The following CNTN5 variants were observed in gnomAD, a reference collection of about 807,000 sequenced individuals.
CNTN5 encodes the protein contactin 5, also known as contactin-5.
Under a neutral mutation model 129.1 loss-of-function variants are expected in CNTN5, and 77 were observed. The ratio of observed to expected loss-of-function variants is 0.60; its 90% CI spans 0.50 to 0.72. The LOEUF is 0.72. Ranked by LOEUF, CNTN5 falls within the 30% of genes least tolerant of loss-of-function variation. The pLI is 0.00. For missense variants in CNTN5, 1,478 were observed against 1,328.8 expected, an observed-to-expected ratio of 1.11 and a Z score of -1.75; for synonymous variants, 509 against 465.6, an observed-to-expected ratio of 1.09 and a Z score of -1.20.
chr11:99,340,439 G>GA (rs932285938), intron 2 of CNTN5, among the ~76,000 whole-genome samples: 3 of 151,498 alleles, frequency 2.0e-5, no homozygotes, highest in Non-Finnish European at 3.0e-5. Context: ...AATTAGGGGG[G>GA]AAAAAAAAGC....
At chr11:99,739,596 A>G (rs1294986036) in intron 3 of CNTN5, among the ~76,000 whole-genome samples, 2 of 152,144 alleles carry the variant, frequency 1.3e-5, no homozygotes, top group Admixed American at 6.6e-5. Flanking sequence ...TTACTAGAGA[A>G]GATGGAAAGG....
At chr11:99,024,111 A>G (rs1221832017) in intron 1 of CNTN5, among the ~76,000 whole-genome samples, 2 of 152,174 alleles carry the variant, frequency 1.3e-5, no homozygotes, top group Non-Finnish European at 2.9e-5. Flanking sequence ...AGAGGCTGGT[A>G]CATTTTAAAA....
chr11:99,337,061 A>G (rs903694949), intron 2 of CNTN5, among the ~76,000 whole-genome samples: 1 of 152,144 alleles, frequency 6.6e-6, no homozygotes, highest in Non-Finnish European at 1.5e-5. Flanking sequence ...AAGGGGAATC[A>G]GTGTATTTCT....
chr11:99,163,689 C>A (rs1176478589), intron 1 of CNTN5, among the ~76,000 whole-genome samples: 1 of 152,080 alleles, frequency 6.6e-6, no homozygotes, highest in Non-Finnish European at 1.5e-5. Flanking sequence ...TTTAGAGAAT[C>A]ATGGCAGTTT....
At position 100,340,661 on chromosome 11, in the gene CNTN5, G is replaced by C. The variant is rs1277011622; in HGVS notation, c.2917+12G>C. Reference sequence around the variant, plus strand: ...CACCAAGAAATCCCGTAAGTGACCTGGGCTTTTTGTTTGTTTCAGACAAAG... The same window carrying C: ...CACCAAGAAATCCCGTAAGTGACCTCGGCTTTTTGTTTGTTTCAGACAAAG... On this transcript the variant is annotated intron_variant, in intron 22 of 24. Coordinates refer to ENST00000524871, the MANE Select transcript of CNTN5 (RefSeq NM_014361.4). 1.9e-6 allele frequency: 3 copies of C among 1,578,898 alleles called. No individual in the cohort carries two copies. Among genetic ancestry groups the C allele is most frequent in the Non-Finnish European group, 2.6e-6 (3 of 1,165,486 alleles).
chr11:99,211,058 A>T (rs912546598), intron 1 of CNTN5, among the ~76,000 whole-genome samples: 1 of 152,186 alleles, frequency 6.6e-6, no homozygotes, highest in African/African-American at 2.4e-5. Context: ...TTGAGACAAC[A>T]TCACTGTCAC....
intron 1 of CNTN5, among the ~76,000 whole-genome samples, chr11:99,203,717 C>T (rs1333257648): frequency 1.3e-5 from 2 of 152,004 alleles, no homozygotes; most frequent in African/African-American, 2.4e-5. Context: ...AAGTGATAGG[C>T]CTCCCGAGTA....
intron 3 of CNTN5, among the ~76,000 whole-genome samples, chr11:99,651,003 A>G (rs1345870522): frequency 6.6e-6 from 1 of 151,988 alleles, no homozygotes; most frequent in East Asian, 1.9e-4. Context: ...GAGAAGAATA[A>G]GAGAAATTGT....
chr11:99,846,429 A>C (rs1253500188), intron 6 of CNTN5, among the ~76,000 whole-genome samples: 1 of 151,682 alleles, frequency 6.6e-6, no homozygotes, highest in Non-Finnish European at 1.5e-5. Flanking sequence ...AACTCTTGAA[A>C]TTATTTTACT....
At chr11:99,259,462 T>C (rs116634849) in intron 1 of CNTN5, among the ~76,000 whole-genome samples, 1,851 of 152,044 alleles carry the variant, frequency 0.012, 42 homozygotes, top group African/African-American at 0.042. Flanking sequence ...GACATTTATC[T>C]GCAGTGGTGA....
At chr11:100,165,154 G>GAAAC (rs1947588627) in intron 13 of CNTN5, among the ~76,000 whole-genome samples, 1 of 151,556 alleles carries the variant, frequency 6.6e-6, no homozygotes, top group Non-Finnish European at 1.5e-5. Context: ...GGCAATTTTG[G>GAAAC]AAACATTATG....
intron 6 of CNTN5, among the ~76,000 whole-genome samples, chr11:99,870,339 AC>A (rs2135808446): frequency 6.6e-6 from 1 of 152,094 alleles, no homozygotes; most frequent in East Asian, 1.9e-4. Flanking sequence ...TCACTCTTCC[AC>A]TCCTTACACG....
intron 2 of CNTN5, among the ~76,000 whole-genome samples, chr11:99,493,965 T>C (rs1946131773): frequency 6.6e-6 from 1 of 152,236 alleles, no homozygotes; most frequent in Non-Finnish European, 1.5e-5. Context: ...AATTCTATAC[T>C]CATTCTGATA....
rs138164718 is a variant in CNTN5, at chr11:99,087,784, G to C, written c.-210+66514G>C. ...TATTACAGTTAGGTCTGTTACCCAA[G>C]GCTAAAGAATAACAAGACATTTTTT... On this transcript the variant is annotated intron_variant, in intron 1 of 24. Coordinates refer to ENST00000524871, the MANE Select transcript of CNTN5 (RefSeq NM_014361.4). Among the ~76,000 whole-genome samples, 476 of 152,216 alleles carry C rather than the reference G, an allele frequency of 3.1e-3. 2 individuals carry two copies. Among genetic ancestry groups the C allele is most frequent in the African/African-American group, 6.0e-3 (248 of 41,536 alleles).
chr11:99,784,812 T>C (rs1164612162), intron 3 of CNTN5, among the ~76,000 whole-genome samples: 1 of 148,802 alleles, frequency 6.7e-6, no homozygotes, highest in Non-Finnish European at 1.5e-5. Context: ...TTTTTTTTTT[T>C]TTTTTGAGAT....
rs1215380044 is a variant in CNTN5, at chr11:100,061,372, C to T, written c.1141C>T (p.Arg381Cys). 4.4e-6 allele frequency: 7 copies of T among 1,597,780 alleles called. No individual in the cohort carries two copies. Among genetic ancestry groups the T allele is most frequent in the South Asian group, 1.1e-5 (1 of 89,724 alleles). Residue 381 changes from arginine (R) to cysteine (C), a missense_variant, in exon 10 of 25, where the codon CGT becomes TGT. Transcript: ENST00000524871. ...AENSRGKNSF[R>C]GQLQVYTYPH... ...AAACTCACGTGGAAAAAATTCCTTT[C>T]GTGGACAATTACAAGTATACAGTAA... is the stretch of plus-strand genomic sequence containing the variant.
chr11:99,755,205 G>A (rs977738376), intron 3 of CNTN5, among the ~76,000 whole-genome samples: 18 of 152,058 alleles, frequency 1.2e-4, no homozygotes, highest in Non-Finnish European at 1.5e-5. Context: ...ACAGATTTTC[G>A]CATGGATAAG....
At chr11:99,672,852 G>C (rs1008763503) in intron 3 of CNTN5, among the ~76,000 whole-genome samples, 1 of 151,900 alleles carries the variant, frequency 6.6e-6, no homozygotes, top group African/African-American at 2.4e-5. Context: ...AAAACAGAAA[G>C]GGCAGGTGGA....
intron 1 of CNTN5, among the ~76,000 whole-genome samples, chr11:99,302,895 ATAT>A (rs1320201388): frequency 2.6e-5 from 4 of 151,378 alleles, no homozygotes; most frequent in East Asian, 1.9e-4. Flanking sequence ...GACTTCACTA[ATAT>A]TATTTAATAT....
Sources: gnomAD v4.1 joint callset for allele counts (sites outside exome capture counted in the v4.1 genomes callset) on GRCh38, gnomAD v4.1.1 for gene constraint, MANE v1.5 for transcripts, NCBI Gene and HGNC (gene_info 2026-07-23, HGNC 2026-07-21) for gene names.